Variants in PCDHGB1 observed in about 807,000 individuals in gnomAD.
PCDHGB1 encodes the protein protocadherin gamma subfamily B, 1.
PCDHGB1 carries 34 observed loss-of-function variants against 56.6 expected under a neutral mutation model. That is an observed-to-expected ratio of 0.60 (90% CI 0.46 to 0.80). PCDHGB1 has a LOEUF of 0.80. PCDHGB1 is among the 30% of genes least tolerant of loss of function. PCDHGB1 has a pLI of 0.00. For synonymous variants in PCDHGB1, 561 were observed against 505.9 expected, an observed-to-expected ratio of 1.11 and a Z score of -1.46; for missense variants, 1,278 against 1,204.6, an observed-to-expected ratio of 1.06 and a Z score of -0.90.
At chr5:141,418,031 G>A (rs760396058) in intron 1 of PCDHGB1, 1 of 1,614,022 alleles carries the variant, frequency 6.2e-7, no homozygotes, top group Non-Finnish European at 8.5e-7. Context: ...AGGGCTTAGT[G>A]TCCTGGATGT....
chr5:141,399,872 A>G (rs759178048), intron 1 of PCDHGB1: 2 of 1,612,652 alleles, frequency 1.2e-6, no homozygotes, highest in Non-Finnish European at 1.7e-6. Flanking sequence ...GAGCCCGGCT[A>G]CCTGGTGACC....
chr5:141,393,264 C>T, intron 1 of PCDHGB1: 1 of 1,613,916 alleles, frequency 6.2e-7, no homozygotes, highest in Non-Finnish European at 8.5e-7. Flanking sequence ...TCCTGGAGCA[C>T]GTTATCCACT....
chr5:141,356,171 G>A, intron 1 of PCDHGB1: 1 of 1,612,890 alleles, frequency 6.2e-7, no homozygotes, highest in South Asian at 1.1e-5. Context: ...GCCCATGATG[G>A]GCCTGGTCTC....
Sources: allele counts gnomAD v4.1 joint callset, GRCh38; gene constraint gnomAD v4.1.1; transcripts MANE v1.5; gene names NCBI Gene and HGNC (gene_info 2026-07-23, HGNC 2026-07-21).